The following NRCAM variants were observed in gnomAD, a reference collection of about 807,000 sequenced individuals.
The protein encoded by NRCAM is NgCAM-related cell adhesion molecule.
In NRCAM, 83 loss-of-function variants were observed where a neutral mutation model predicts 156.5. That is an observed-to-expected ratio of 0.53 (90% CI 0.44 to 0.64). The LOEUF is 0.64. Ranked by LOEUF, NRCAM falls within the 30% of genes least tolerant of loss-of-function variation. The pLI, the probability that NRCAM is intolerant of heterozygous loss-of-function variation, is 0.00. For missense variants in NRCAM, 1,417 were observed against 1,597.3 expected (o/e 0.89, Z 1.92); for synonymous variants, 538 against 563.9 (o/e 0.95, Z 0.65).
At chr7:108,250,984 G>A (rs2096309398) in intron 3 of NRCAM, among the ~76,000 whole-genome samples, 3 of 152,244 alleles carry the variant, frequency 2.0e-5, no homozygotes, top group South Asian at 2.1e-4. Flanking sequence ...TCAGGTAGAA[G>A]TATTTTCGGC....
At chr7:108,274,555 T>A (rs1440082195) in intron 3 of NRCAM, among the ~76,000 whole-genome samples, 1 of 152,220 alleles carries the variant, frequency 6.6e-6, no homozygotes, top group Non-Finnish European at 1.5e-5. Flanking sequence ...GTTATTGGTG[T>A]ATAGGAATGC....
intron 2 of NRCAM, among the ~76,000 whole-genome samples, chr7:108,390,948 T>C (rs1400354286): frequency 6.6e-6 from 1 of 152,260 alleles, no homozygotes; most frequent in East Asian, 1.9e-4. Context: ...CAGTTTGTTA[T>C]AGTTTCTGTT....
At chr7:108,276,768 T>A in intron 3 of NRCAM, among the ~76,000 whole-genome samples, 1 of 152,248 alleles carries the variant, frequency 6.6e-6, no homozygotes, top group Non-Finnish European at 1.5e-5. Context: ...GTGAATTTGA[T>A]CCTGTCATTA....
intron 2 of NRCAM, among the ~76,000 whole-genome samples, chr7:108,334,539 G>T (rs2099159467): frequency 6.6e-6 from 1 of 152,162 alleles, no homozygotes; most frequent in African/African-American, 2.4e-5. Flanking sequence ...TGCAGACACT[G>T]TTCTTTGAAT....
At chr7:108,308,306 C>T (rs904843720) in intron 3 of NRCAM, among the ~76,000 whole-genome samples, 2 of 152,150 alleles carry the variant, frequency 1.3e-5, no homozygotes, top group Admixed American at 1.3e-4. Flanking sequence ...TATTTCATCA[C>T]GAGTTCTGAT....
At chr7:108,220,324 C>A (rs953520418) in intron 11 of NRCAM, among the ~76,000 whole-genome samples, 6 of 152,118 alleles carry the variant, frequency 3.9e-5, no homozygotes, top group Non-Finnish European at 8.8e-5. Flanking sequence ...CACCATTATT[C>A]TTTACAGAAT....
intron 5 of NRCAM, 164 bp from the exon 6 acceptor site, chr7:108,234,852 A>C (rs2094755064): frequency 2.6e-6 from 2 of 757,256 alleles, no homozygotes; most frequent in Non-Finnish European, 4.8e-6. Context: ...TTTTCTGCTA[A>C]AGGTCTGCTA....
At chr7:108,400,626 T>G (rs115289371) in intron 1 of NRCAM, among the ~76,000 whole-genome samples, 1 of 152,210 alleles carries the variant, frequency 6.6e-6, no homozygotes, top group African/African-American at 2.4e-5. Flanking sequence ...TCTACACTTT[T>G]GGCACCTGAC....
At chr7:108,161,674 C>G (rs2049103349) in intron 30 of NRCAM, among the ~76,000 whole-genome samples, 2 of 151,976 alleles carry the variant, frequency 1.3e-5, no homozygotes, top group South Asian at 2.1e-4. Flanking sequence ...TACGCATATC[C>G]CAGGTTCAGC....
At chr7:108,291,038 T>TA (rs1428741573) in intron 3 of NRCAM, among the ~76,000 whole-genome samples, 1 of 152,170 alleles carries the variant, frequency 6.6e-6, no homozygotes, top group Non-Finnish European at 1.5e-5. Flanking sequence ...CACTTGGGAT[T>TA]AGTCACATTT....
rs375987605 is a variant in NRCAM, at chr7:108,178,009, G to A, written c.2955C>T (p.Tyr985=). 211 of 1,612,820 alleles carry A rather than the reference G, an allele frequency of 1.3e-4. No individual in the cohort carries two copies. The highest frequency in any genetic ancestry group is 4.5e-5 in the Non-Finnish European group (53 of 1,179,350). Residue 985 remains tyrosine, a synonymous_variant, in exon 26 of 33, where the codon TAC becomes TAT. Coordinates refer to ENST00000379028, the MANE Select transcript of NRCAM (RefSeq NM_001037132.4). The part of the protein sequence containing the change: ...PSHPNGILTE[Y]TLKYQPINST... ...GCTTACTTGGCTGATACTTTAAGGT[G>A]TACTCTGTCAAAATGCCATTCGGGT...
chr7:108,313,510 A>G (rs1398442848), intron 2 of NRCAM, among the ~76,000 whole-genome samples: 3 of 152,228 alleles, frequency 2.0e-5, no homozygotes, highest in Non-Finnish European at 2.9e-5. Flanking sequence ...ACAAGTGTCA[A>G]TTCAGGAACT....
chr7:108,362,456 A>G (rs954436612), intron 2 of NRCAM, among the ~76,000 whole-genome samples: 2 of 152,254 alleles, frequency 1.3e-5, no homozygotes, highest in Non-Finnish European at 2.9e-5. Flanking sequence ...ATAATAGGAT[A>G]TTATTCAGAG....
intron 2 of NRCAM, among the ~76,000 whole-genome samples, chr7:108,397,540 G>A (rs1382582540): frequency 1.3e-5 from 2 of 152,166 alleles, no homozygotes; most frequent in Non-Finnish European, 2.9e-5. Context: ...TGTCCTGGGT[G>A]GATGCTGAGA....
intron 1 of NRCAM, among the ~76,000 whole-genome samples, chr7:108,406,140 C>T (rs1161908835): frequency 6.6e-6 from 1 of 151,772 alleles, no homozygotes; most frequent in Non-Finnish European, 1.5e-5. Context: ...AAATAAAGGG[C>T]TTAGGTGGTC....
In NRCAM at chr7:108,159,908, T is replaced by C. The variant is rs150359422; in HGVS notation, c.3599-367A>G. Among the ~76,000 whole-genome samples the C allele has an allele frequency of 2.4e-3, 364 of 152,018 alleles. 1 individual carries two copies. The highest frequency in any genetic ancestry group is 8.3e-3 in the African/African-American group (343 of 41,466). ...TTTTTTCTTGTCACTGAAGGGAAAA[T>C]GGTCAGGTAAAGAAAATATAAATTT... On this transcript the variant is annotated intron_variant, in intron 31 of 32. Coordinates refer to ENST00000379028, the MANE Select transcript of NRCAM (RefSeq NM_001037132.4).
chr7:108,265,108 G>A (rs558648167), intron 3 of NRCAM, among the ~76,000 whole-genome samples: 16 of 152,332 alleles, frequency 1.1e-4, no homozygotes, highest in Admixed American at 9.8e-4. Context: ...TGCGGGAGCC[G>A]TGGCTCATAC....
intron 3 of NRCAM, among the ~76,000 whole-genome samples, chr7:108,308,577 T>C (rs2098753402): frequency 6.6e-6 from 1 of 152,206 alleles, no homozygotes; most frequent in Non-Finnish European, 1.5e-5. Context: ...CAGGATTCCT[T>C]CTACTGACTA....
chr7:108,213,409 T>C (rs566545744), intron 11 of NRCAM, among the ~76,000 whole-genome samples: 41 of 152,240 alleles, frequency 2.7e-4, no homozygotes, highest in African/African-American at 9.9e-4. Context: ...TGCAAGGGTA[T>C]CTCACATCTC....
Sources: allele counts gnomAD v4.1 joint callset (sites outside exome capture counted in the v4.1 genomes callset), GRCh38; gene constraint gnomAD v4.1.1; transcripts MANE v1.5; gene names NCBI Gene and HGNC (gene_info 2026-07-23, HGNC 2026-07-21).